The following FREM2 variants were observed in gnomAD, a reference collection of about 807,000 sequenced individuals.
The protein encoded by FREM2 is FRAS1 related extracellular matrix 2.
FREM2 carries 119 observed loss-of-function variants against 219.9 expected under a neutral mutation model. The ratio of observed to expected loss-of-function variants is 0.54; its 90% CI spans 0.47 to 0.63. The LOEUF is 0.63. Ranked by LOEUF, FREM2 falls within the 30% of genes least tolerant of loss-of-function variation. The pLI, the probability that FREM2 is intolerant of heterozygous loss-of-function variation, is 0.00. For synonymous variants in FREM2, 1,562 were observed against 1,522.8 expected (o/e 1.03, Z -0.60); for missense variants, 4,030 against 3,993.6 (o/e 1.01, Z -0.25).
At chr13:38,871,808 C>T (rs929369128) in intron 16 of FREM2, among the ~76,000 whole-genome samples, 1 of 152,092 alleles carries the variant, frequency 6.6e-6, no homozygotes, top group Non-Finnish European at 1.5e-5. Context: ...ATGGTAAGTA[C>T]TCAATATATA....
chr13:38,791,689 T>A (rs1420437512), intron 6 of FREM2, among the ~76,000 whole-genome samples: 1 of 152,104 alleles, frequency 6.6e-6, no homozygotes, highest in Non-Finnish European at 1.5e-5. Flanking sequence ...CCCCCATGAT[T>A]CAATGATCTC....
chr13:38,797,551 A>G (rs1282095676), intron 6 of FREM2, among the ~76,000 whole-genome samples: 1 of 152,000 alleles, frequency 6.6e-6, no homozygotes, highest in African/African-American at 2.4e-5. Context: ...CTCCCATTCA[A>G]TAGTTTGTCC....
Position 38,692,193 on chromosome 13 carries a change from T to C in FREM2, c.4849T>C (p.Ser1617Pro), listed in dbSNP as rs1168479985. ...DGTESSEDSF[S>P]FTVTDGTHTD... ...CACTGAGTCAAGTGAAGATAGCTTC[T>C]CCTTCACAGTGACTGATGGCACCCA... The change falls in exon 1 of 24, where the codon TCC becomes CCC. Residue 1617 changes from serine to proline, a missense_variant. This residue lies in a region of FREM2 where 3,102 missense variants were observed against 2,950.7 expected (regional missense o/e 1.05). Transcript: ENST00000280481. 2.5e-6 allele frequency: 4 copies of C among 1,613,892 alleles called. No individual in the cohort carries two copies. The highest frequency in any genetic ancestry group is 2.7e-5 in the African/African-American group (2 of 74,940).
intron 6 of FREM2, among the ~76,000 whole-genome samples, chr13:38,821,345 G>T (rs1212290437): frequency 3.3e-5 from 5 of 151,836 alleles, no homozygotes; most frequent in Admixed American, 3.3e-4. Flanking sequence ...ATACAAGATT[G>T]CCCAGTCAAA....
chr13:38,690,623 A>G lies in FREM2; in HGVS notation c.3279A>G (p.Glu1093=). ...SVITSVHISA[E]DVDSLNDDIL... ...TAACATCAGTGCATATAAGTGCTGA[A>G]GATGTCGACTCCCTGAATGATGACA... Residue 1093 remains glutamate (E), a synonymous_variant, in exon 1 of 24, where the codon GAA becomes GAG. Coordinates refer to ENST00000280481, the MANE Select transcript of FREM2 (RefSeq NM_207361.6). The G allele has an allele frequency of 1.2e-6, 2 of 1,613,986 alleles. No homozygotes were observed. The highest frequency in any genetic ancestry group is 1.7e-6 in the Non-Finnish European group (2 of 1,179,998).
chr13:38,759,549 A>G (rs963005306), intron 2 of FREM2, among the ~76,000 whole-genome samples: 8 of 152,100 alleles, frequency 5.3e-5, no homozygotes, highest in Non-Finnish European at 1.0e-4. Flanking sequence ...CAAAACCTTA[A>G]TGGCTTTGGT....
chr13:38,872,915 C>G lies in FREM2; in HGVS notation c.8157C>G (p.Pro2719=). 1.9e-6 allele frequency: 3 copies of G among 1,613,742 alleles called. No homozygotes were observed. The highest frequency in any genetic ancestry group is 2.5e-6 in the Non-Finnish European group (3 of 1,179,864). ...TGTGGAATGATGGAATTGGCAGCCCCCCAGAGGCTGAACTTCAAGGTGAGT... is the reference window on the plus strand; with the variant it reads ...TGTGGAATGATGGAATTGGCAGCCCGCCAGAGGCTGAACTTCAAGGTGAGT... ...AILWNDGIGS[P]PEAELQGSLY... Residue 2719 remains proline, a synonymous_variant, in exon 17 of 24, where the codon CCC becomes CCG. Coordinates refer to ENST00000280481, the MANE Select transcript of FREM2 (RefSeq NM_207361.6).
intron 2 of FREM2, among the ~76,000 whole-genome samples, chr13:38,701,037 T>TA (rs1870323604): frequency 6.6e-6 from 1 of 152,216 alleles, no homozygotes; most frequent in African/African-American, 2.4e-5. Context: ...GGAGGTTTGT[T>TA]ATATAGGTAA....
Position 38,687,544 on chromosome 13 carries a change from C to T in FREM2, c.200C>T (p.Pro67Leu), listed in dbSNP as rs1593339029. The change falls in exon 1 of 24, where the codon CCT becomes CTT. Residue 67 changes from proline (P) to leucine (L), a missense_variant. Physicochemically the swap from Pro to Leu is moderately conservative, Grantham distance 98. Transcript: ENST00000280481. ...GGTCTCGCGGGGGCTGCAGGGGTCC[C>T]TGCTGAGGAGGCCATAGTGCTGGCG... Reference protein sequence around the residue: ...SPGLAGAAGVPAEEAIVLANR... With the variant: ...SPGLAGAAGVLAEEAIVLANR... 6.2e-7 allele frequency: 1 copy of T among 1,601,718 alleles called. No individual in the cohort carries two copies. Among genetic ancestry groups the T allele is most frequent in the South Asian group, 1.1e-5 (1 of 88,932 alleles).
chr13:38,768,417 C>A (rs770812340), intron 3 of FREM2, among the ~76,000 whole-genome samples: 3 of 152,076 alleles, frequency 2.0e-5, no homozygotes, highest in Non-Finnish European at 4.4e-5. Context: ...GCAAGGACTA[C>A]AGGCATGCGC....
chr13:38,832,382 T>C (rs1876543916), intron 6 of FREM2, among the ~76,000 whole-genome samples: 1 of 152,186 alleles, frequency 6.6e-6, no homozygotes, highest in Non-Finnish European at 1.5e-5. Flanking sequence ...TCTTCGTTTT[T>C]CTTAGTTGCA....
In FREM2 at chr13:38,833,727, A is replaced by G. The variant is rs1048477891; in HGVS notation, c.6020-12846A>G. ...TTCAGTGTCCATCTATAGGTAGATGAAACTTCTTCATCTTCAAAGCCTGAA... is the reference window on the plus strand; with the variant it reads ...TTCAGTGTCCATCTATAGGTAGATGGAACTTCTTCATCTTCAAAGCCTGAA... On this transcript the variant is annotated intron_variant, in intron 6 of 23. Coordinates refer to ENST00000280481, the MANE Select transcript of FREM2 (RefSeq NM_207361.6). 2.0e-5 allele frequency among the ~76,000 whole-genome samples: 3 copies of G among 152,270 alleles called. No homozygotes were observed. In the South Asian group the frequency reaches 6.2e-4, roughly 32 times the overall value.
rs763344256 is a variant in FREM2, at chr13:38,692,361, G to A, written c.5017G>A (p.Gly1673Ser). ...CTCTACACTTCGCACTCTAGCCACT[G>A]GCCACTTGGGGTTCATGATCACAAG... ...GASTLRTLAT[G>S]HLGFMITSKI... Residue 1673 changes from glycine to serine, a missense_variant, in exon 1 of 24, where the codon GGC (glycine) becomes AGC (serine). By Grantham distance (56) the Gly-to-Ser change is moderately conservative. This residue lies in a region of FREM2 where 3,102 missense variants were observed against 2,950.7 expected (regional missense o/e 1.05). Transcript: ENST00000280481. 20 of 1,605,804 alleles carry A rather than the reference G, an allele frequency of 1.2e-5. No individual in the cohort carries two copies. Among genetic ancestry groups the A allele is most frequent in the Admixed American group, 1.7e-5 (1 of 59,284 alleles).
chr13:38,817,729 CT>C (rs1398846948), intron 6 of FREM2, among the ~76,000 whole-genome samples: 2 of 152,012 alleles, frequency 1.3e-5, no homozygotes, highest in Admixed American at 1.3e-4. Context: ...AACTAAAAAG[CT>C]TTTCCATAGC....
intron 1 of FREM2, among the ~76,000 whole-genome samples, chr13:38,697,264 T>C (rs1308305477): frequency 6.6e-6 from 1 of 152,150 alleles, no homozygotes; most frequent in Non-Finnish European, 1.5e-5. Context: ...TAGCCAGTGT[T>C]GGGGAGCAAA....
intron 6 of FREM2, among the ~76,000 whole-genome samples, chr13:38,843,508 G>A (rs1043007274): frequency 6.6e-6 from 1 of 151,404 alleles, no homozygotes; most frequent in East Asian, 1.9e-4. Context: ...TAATTTTTGA[G>A]GGACAAGCAA....
chr13:38,802,171 G>A (rs1475200513), intron 6 of FREM2, among the ~76,000 whole-genome samples: 1 of 152,176 alleles, frequency 6.6e-6, no homozygotes, highest in Non-Finnish European at 1.5e-5. Flanking sequence ...GCGAGGTGGG[G>A]TTGTTCCCCC....
At chr13:38,813,502 CT>C (rs1419121240) in intron 6 of FREM2, among the ~76,000 whole-genome samples, 12 of 15,706 alleles carry the variant, frequency 7.6e-4, no homozygotes, top group Admixed American at 1.0e-3. Flanking sequence ...CTCTCTCTCT[CT>C]CTCTCTCTCT....
At chr13:38,740,777 T>G (rs1391657933) in intron 2 of FREM2, among the ~76,000 whole-genome samples, 1 of 152,224 alleles carries the variant, frequency 6.6e-6, no homozygotes, top group African/African-American at 2.4e-5. Flanking sequence ...ATATTAAGGT[T>G]GTAGGAAACT....
Sources: allele counts gnomAD v4.1 joint callset (sites outside exome capture counted in the v4.1 genomes callset), GRCh38; gene constraint gnomAD v4.1.1; regional missense constraint gnomAD v4.1.1; transcripts MANE v1.5; gene names NCBI Gene and HGNC (gene_info 2026-07-23, HGNC 2026-07-21).